The following ATE1 variants were observed in gnomAD, a reference collection of about 807,000 sequenced individuals.
ATE1 encodes arginyltransferase 1.
ATE1 carries 36 observed loss-of-function variants against 70.5 expected under a neutral mutation model. That is an observed-to-expected ratio of 0.51 (90% confidence interval 0.39 to 0.67). The LOEUF is 0.67. Ranked by LOEUF, ATE1 falls within the 30% of genes least tolerant of loss-of-function variation. The probability of loss-of-function intolerance (pLI) is 0.00; values close to 1 mark genes in which losing one functional copy is unlikely to be tolerated. For missense variants in ATE1, 593 were observed against 629.5 expected (o/e 0.94, Z 0.62); for synonymous variants, 232 against 219.3 (o/e 1.06, Z -0.51).
rs144665432 is a variant in ATE1 at position 121,910,972 on chromosome 10, C to T, written c.517G>A (p.Val173Ile). 2.0e-5 allele frequency: 32 copies of T among 1,614,042 alleles called. No individual in the cohort carries two copies. The highest frequency in any genetic ancestry group is 5.0e-5 in the Admixed American group (3 of 59,966). Reference sequence around the variant, plus strand: ...TCACCAGAGCCCAACTTCTCTCCTACGAAATCTTGTGACTGAAGTAATTCC... The same window carrying T: ...TCACCAGAGCCCAACTTCTCTCCTATGAAATCTTGTGACTGAAGTAATTCC... ...PQELLQSQDF[V>I]GEKLGSGEPS... The change falls in exon 5 of 12, where the codon GTA (valine) becomes ATA (isoleucine). Residue 173 changes from valine to isoleucine, a missense_variant. Coordinates refer to ENST00000224652, the MANE Select transcript of ATE1 (RefSeq NM_001001976.3).
chr10:121,902,719 A>G, intron 5 of ATE1, 99 bp from the exon 6 acceptor site: 2 of 1,202,478 alleles, frequency 1.7e-6, no homozygotes, highest in Non-Finnish European at 2.3e-6. Flanking sequence ...AAAGAGTTTC[A>G]ATGGTTAGGC....
intron 11 of ATE1, 110 bp downstream of exon 11, chr10:121,790,059 A>C: frequency 7.0e-7 from 1 of 1,427,680 alleles, no homozygotes; most frequent in Non-Finnish European, 9.5e-7. Flanking sequence ...TGCACAGCAT[A>C]CTCTATAATA....
At chr10:121,902,054 C>T (rs1951001518) in intron 6 of ATE1, among the ~76,000 whole-genome samples, 1 of 152,104 alleles carries the variant, frequency 6.6e-6, no homozygotes, top group African/African-American at 2.4e-5. Context: ...ACTATCTAAA[C>T]CAAAACTGCT....
chr10:121,791,608 T>C (rs7898767), intron 10 of ATE1, among the ~76,000 whole-genome samples: 144,594 of 152,276 alleles, frequency 0.95, 68,846 homozygotes, highest in Non-Finnish European at 0.98. Context: ...TTTTAAAACT[T>C]ATTATAGAGG....
chr10:121,903,164 C>T (rs1190314117), intron 5 of ATE1, among the ~76,000 whole-genome samples: 2 of 149,080 alleles, frequency 1.3e-5, no homozygotes, highest in African/African-American at 2.4e-5. Flanking sequence ...GCTGGGATTA[C>T]AGGAATGAGC....
intron 10 of ATE1, among the ~76,000 whole-genome samples, chr10:121,831,995 T>C (rs1170292440): frequency 6.6e-6 from 1 of 152,192 alleles, no homozygotes; most frequent in Non-Finnish European, 1.5e-5. Context: ...AAACAGAAAT[T>C]ACAGTCTTAG....
intron 7 of ATE1, among the ~76,000 whole-genome samples, chr10:121,884,835 T>C (rs577590595): frequency 6.6e-6 from 1 of 152,340 alleles, no homozygotes; most frequent in African/African-American, 2.4e-5. Flanking sequence ...GTCACGGACC[T>C]TGACACAGAC....
intron 11 of ATE1, among the ~76,000 whole-genome samples, chr10:121,759,187 C>CAAA (rs1944930478): frequency 6.6e-6 from 1 of 152,132 alleles, no homozygotes; most frequent in South Asian, 2.1e-4. Context: ...AGTGCTATTC[C>CAAA]AGTGAACACA....
intron 8 of ATE1, among the ~76,000 whole-genome samples, chr10:121,848,752 A>T (rs1460931313): frequency 3.3e-5 from 5 of 149,908 alleles, no homozygotes; most frequent in Non-Finnish European, 5.9e-5. Flanking sequence ...CTCTACTAAA[A>T]ATGAAAAAAT....
At chr10:121,786,696 T>C (rs7908120) in intron 11 of ATE1, among the ~76,000 whole-genome samples, 93,310 of 151,970 alleles carry the variant, frequency 0.61, 28,657 homozygotes, top group South Asian at 0.66. Context: ...AGCATTTGTT[T>C]TCTTATGACC....
chr10:121,806,958 C>G (rs1018231901), intron 10 of ATE1, among the ~76,000 whole-genome samples: 6 of 152,156 alleles, frequency 3.9e-5, no homozygotes, highest in Non-Finnish European at 7.3e-5. Context: ...TGTGCTCCCA[C>G]AGAATTTTGT....
Position 121,920,063 on chromosome 10 carries a change from T to C in ATE1, c.233+2286A>G, listed in dbSNP as rs1174800658. On this transcript the variant is annotated intron_variant, in intron 3 of 11. Transcript: ENST00000224652. ...ACAAAAAAACTAATGGACAAAAAAC[T>C]GTTTAATTTTTTAATTTTTCATTTC... Among the ~76,000 whole-genome samples, 3 of 152,178 alleles carry C rather than the reference T, an allele frequency of 2.0e-5. No individual in the cohort carries two copies. In the East Asian group the frequency reaches 5.8e-4, roughly 29 times the overall value.
intron 7 of ATE1, among the ~76,000 whole-genome samples, chr10:121,884,893 GCTTC>G (rs566401994): frequency 5.6e-4 from 85 of 152,252 alleles, no homozygotes; most frequent in African/African-American, 2.0e-3. Context: ...AAAGAAACTG[GCTTC>G]CTTAATTGAA....
At chr10:121,796,911 T>C (rs10749429) in intron 10 of ATE1, among the ~76,000 whole-genome samples, 143,775 of 152,312 alleles carry the variant, frequency 0.94, 68,096 homozygotes, top group Non-Finnish European at 0.98. Flanking sequence ...CATTATCATA[T>C]TGATCCAATT....
chr10:121,878,023 T>C (rs1286552425), intron 7 of ATE1, among the ~76,000 whole-genome samples: 2 of 152,192 alleles, frequency 1.3e-5, no homozygotes, highest in African/African-American at 4.8e-5. Context: ...TTATGCTGTA[T>C]CCACACAATG....
At chr10:121,919,917 A>C (rs1011285845) in intron 3 of ATE1, among the ~76,000 whole-genome samples, 3 of 151,980 alleles carry the variant, frequency 2.0e-5, no homozygotes, top group African/African-American at 7.2e-5. Context: ...GATATGCAAA[A>C]TGTTACATAT....
chr10:121,881,952 C>G (rs1950239474), intron 7 of ATE1, among the ~76,000 whole-genome samples: 1 of 151,998 alleles, frequency 6.6e-6, no homozygotes, highest in Admixed American at 6.6e-5. Flanking sequence ...CGTCGCCAAA[C>G]CCGGCTAATT....
intron 11 of ATE1, among the ~76,000 whole-genome samples, chr10:121,780,499 A>G (rs566291794): frequency 6.6e-6 from 1 of 152,264 alleles, no homozygotes; most frequent in East Asian, 1.9e-4. Flanking sequence ...TCTGCTCTTA[A>G]CCAATTCCCA....
chr10:121,823,151 A>G (rs1454652022), intron 10 of ATE1, among the ~76,000 whole-genome samples: 1 of 152,036 alleles, frequency 6.6e-6, no homozygotes, highest in African/African-American at 2.4e-5. Context: ...TTAGCCAGGC[A>G]CGGTGGCGGG....
Sources: allele counts gnomAD v4.1 joint callset (sites outside exome capture counted in the v4.1 genomes callset), GRCh38; gene constraint gnomAD v4.1.1; transcripts MANE v1.5; gene names NCBI Gene and HGNC (gene_info 2026-07-23, HGNC 2026-07-21).